Variants in SLC22A31 observed in about 807,000 individuals in gnomAD.
The protein encoded by SLC22A31 is solute carrier family 22 member 31.
A neutral mutation model predicts 27.4 loss-of-function variants in SLC22A31; 42 were observed. The ratio of observed to expected loss-of-function variants is 1.53; its 90% CI spans 1.20 to 1.98. The LOEUF is 1.98. SLC22A31 is among the 30% of genes most tolerant of loss of function. The probability of loss-of-function intolerance (pLI) is 0.00; values close to 1 mark genes in which losing one functional copy is unlikely to be tolerated. For synonymous variants in SLC22A31, 290 were observed against 230.8 expected, an observed-to-expected ratio of 1.26 and a Z score of -2.33; for missense variants, 593 against 479.9, an observed-to-expected ratio of 1.24 and a Z score of -2.20.
intron 4 of SLC22A31, 46 bp from the exon 5 acceptor site, chr16:89,198,843 G>T: frequency 6.6e-7 from 1 of 1,509,696 alleles, no homozygotes; most frequent in Non-Finnish European, 8.9e-7. Context: ...ACCTCCTCCT[G>T]GAAGGAGAGG....
intron 7 of SLC22A31, 56 bp from the exon 8 acceptor site, chr16:89,197,465 C>A (rs1285513834): frequency 5.0e-5 from 63 of 1,265,006 alleles, no homozygotes; most frequent in Non-Finnish European, 6.5e-5. Context: ...CCACCCTGGC[C>A]ACTCAGGGCC....
intron 3 of SLC22A31, 42 bp from the exon 4 acceptor site, chr16:89,199,233 G>A (rs1167820879): frequency 1.3e-6 from 2 of 1,486,144 alleles, no homozygotes; most frequent in East Asian, 2.5e-5. Flanking sequence ...CCTCGGGGAG[G>A]ACTGGAACAG....
chr16:89,198,984 C>A, intron 4 of SLC22A31, 39 bp downstream of exon 4: 1 of 1,526,272 alleles, frequency 6.6e-7, no homozygotes, highest in African/African-American at 1.4e-5. Flanking sequence ...CATAGTCAGC[C>A]CCGATGAGGG....
In SLC22A31 at chr16:89,198,191, G is replaced by C. The variant is rs1276660918; in HGVS notation, c.853C>G (p.Arg285Gly). The change falls in exon 7 of 9, where the codon CGC becomes GGC. Residue 285 changes from arginine to glycine, a missense_variant. Arg to Gly is a moderately radical substitution (Grantham distance 125). Coordinates refer to ENST00000682282, the MANE Select transcript of SLC22A31 (RefSeq NM_001384763.1). ...LLLTADCCGR[R>G]PVLLLGTMVT... Reference sequence around the variant, plus strand: ...ATGGTGCCCAGCAGCAGCACGGGGCGGCGTCCACAGCAATCTGCCGTCAGG... The same window carrying C: ...ATGGTGCCCAGCAGCAGCACGGGGCCGCGTCCACAGCAATCTGCCGTCAGG... The C allele has an allele frequency of 1.3e-6, 2 of 1,535,616 alleles. No individual in the cohort carries two copies. The highest frequency in any genetic ancestry group is 3.9e-5 in the Admixed American group (2 of 51,010).
rs185855124 is a variant in SLC22A31 at position 89,198,248 on chromosome 16, C to A, written c.796G>T (p.Gly266Cys). 1 of 1,535,930 alleles carries A rather than the reference C, an allele frequency of 6.5e-7. No individual in the cohort carries two copies. The highest frequency in any genetic ancestry group is 1.2e-5 in the South Asian group (1 of 84,064). Residue 266 changes from glycine to cysteine, a missense_variant, in exon 7 of 9, where the codon GGC becomes TGC. By Grantham distance (159) the Gly-to-Cys change is radical. Coordinates refer to ENST00000682282, the MANE Select transcript of SLC22A31 (RefSeq NM_001384763.1). ...AAGACCAAGGCTGCCGCCTCCAGGC[C>A]GGCCTCCAGGAAGTAGGGCAGGTAG... ...TFYLPYFLEA[G>C]LEAAALVFLL...
chr16:89,201,238 G>A, upstream of SLC22A31: 1 of 369,768 alleles, frequency 2.7e-6, no homozygotes, highest in Non-Finnish European at 4.8e-6. Flanking sequence ...GGAGGGCTGC[G>A]GGGCAGCAGG....
chr16:89,195,816 G>T lies in SLC22A31; in HGVS notation c.*183C>A. 1 of 616,872 alleles carries T rather than the reference G, an allele frequency of 1.6e-6. No homozygotes were observed. The highest frequency in any genetic ancestry group is 3.5e-5 in the Admixed American group (1 of 28,582). 38.2% of individuals were successfully genotyped at this position (616,872 alleles called of 1,614,324 possible). On this transcript the variant is annotated 3_prime_UTR_variant, in exon 9 of 9. Transcript: ENST00000682282. ...CTGGGTGTGGCTGGGGGGAGACCCA[G>T]GGCCTCCCAGTGCCTGGGGCCTGGC...
Position 89,199,166 on chromosome 16 carries a change from G to A in SLC22A31, c.309C>T (p.His103=). The A allele has an allele frequency of 6.5e-7, 1 of 1,531,324 alleles. No individual in the cohort carries two copies. Among genetic ancestry groups the A allele is most frequent in the South Asian group, 1.2e-5 (1 of 83,742 alleles). 94.9% of individuals were successfully genotyped at this position (1,531,324 alleles called of 1,614,324 possible). The change falls in exon 4 of 9, where the codon CAC becomes CAT. Residue 103 remains histidine, a synonymous_variant. Coordinates refer to ENST00000682282, the MANE Select transcript of SLC22A31 (RefSeq NM_001384763.1). The stretch of plus-strand genomic sequence containing the variant: ...CAGCCCCCATGGAGAAGGCCAGGCG[G>A]TGGGGAGGGTCACACAACTCCAGGC... ...LARLELCDPP[H]RLAFSMGAGL... is the part of the protein sequence containing the mutation.
upstream of SLC22A31, chr16:89,201,278 T>A: frequency 2.8e-6 from 1 of 358,350 alleles, no homozygotes; most frequent in Non-Finnish European, 5.0e-6. Context: ...GACCGGGCTT[T>A]GCAGGAGGCC....
At position 89,199,208 on chromosome 16, in the gene SLC22A31, A is replaced by G; in HGVS notation, c.284-17T>C. The G allele has an allele frequency of 6.6e-7, 1 of 1,513,230 alleles. No individual in the cohort carries two copies. Among genetic ancestry groups the G allele is most frequent in the South Asian group, 1.2e-5 (1 of 82,642 alleles). 93.7% of individuals were successfully genotyped at this position (1,513,230 alleles called of 1,614,324 possible). A position where few individuals can be genotyped will look rare whatever the true frequency, so the allele number is the denominator to read the frequency against. ...ACTCCAGGCCTGGGCAGACACAGACAGGTTGAAGTGGAGGCCTCGGGGAGG... is the reference window on the plus strand; with the variant it reads ...ACTCCAGGCCTGGGCAGACACAGACGGGTTGAAGTGGAGGCCTCGGGGAGG... On this transcript the variant is annotated splice_polypyrimidine_tract_variant and intron_variant, in intron 3 of 8. Transcript: ENST00000682282.
At chr16:89,201,381 G>C (rs1300909609), upstream of SLC22A31, 1 of 355,328 alleles carries the variant, frequency 2.8e-6, no homozygotes, top group Non-Finnish European at 5.0e-6. Flanking sequence ...GGTGCAGGGC[G>C]CGGGATCGGG....
rs61732366 is a variant in SLC22A31, at chr16:89,198,692, G to A, written c.558C>T (p.Gly186=). Residue 186 remains glycine (G), a synonymous_variant, in exon 5 of 9, where the codon GGC becomes GGT. Coordinates refer to ENST00000682282, the MANE Select transcript of SLC22A31 (RefSeq NM_001384763.1). The part of the protein sequence containing the change: ...LWRFAEASGV[G]PGDSSLEENS... ...TCTCCTCCAAGGAACTGTCCCCGGGGCCCACGCCACTGGCTTCTGCAAAGC... is the reference window on the plus strand; with the variant it reads ...TCTCCTCCAAGGAACTGTCCCCGGGACCCACGCCACTGGCTTCTGCAAAGC... The A allele has an allele frequency of 0.14, 208,905 of 1,535,348 alleles. 16,092 individuals carry two copies. Among genetic ancestry groups the A allele is most frequent in the East Asian group, 0.38 (15,663 of 40,864 alleles).
rs1290772225 is a variant in SLC22A31, at chr16:89,198,471, C to T, written c.678G>A (p.Trp226Ter). ...TGAAGCCCAAGATAAGCCCGTTTCT[C>T]CAGGTGACTCGGGTACGCAGAAGCC... The part of the protein sequence containing the change: ...PLGLLRTRVT[W>*]RNGLILGFSS... Residue 226 changes from tryptophan (W) to a stop codon, truncating the protein, a stop_gained, in exon 6 of 9, where the codon TGG (tryptophan) becomes TGA (stop). Transcript: ENST00000682282. LOFTEE classifies it high-confidence loss of function. 2 of 1,520,486 alleles carry T rather than the reference C, an allele frequency of 1.3e-6. No homozygotes were observed. The highest frequency in any genetic ancestry group is 4.9e-5 in the East Asian group (2 of 40,736). 94.2% of individuals were successfully genotyped at this position (1,520,486 alleles called of 1,614,324 possible).
At position 89,198,658 on chromosome 16, in the gene SLC22A31, C is replaced by T; in HGVS notation, c.592G>A (p.Ala198Thr). Residue 198 changes from alanine (A) to threonine (T), a missense_variant, in exon 5 of 9, where the codon GCT becomes ACT. Ala to Thr is a moderately conservative substitution (Grantham distance 58, BLOSUM62 0). Coordinates refer to ENST00000682282, the MANE Select transcript of SLC22A31 (RefSeq NM_001384763.1). Reference sequence around the variant, plus strand: ...TCCCTGGTAGGCGCCTGACCTGTAGCCAGGGAGTTCTCCTCCAAGGAACTG... The same window carrying T: ...TCCCTGGTAGGCGCCTGACCTGTAGTCAGGGAGTTCTCCTCCAAGGAACTG... ...GDSSLEENSLATELTMLSARS... is the reference protein window; with the variant it reads ...GDSSLEENSLTTELTMLSARS... 6 of 1,535,526 alleles carry T rather than the reference C, an allele frequency of 3.9e-6. No individual in the cohort carries two copies. Among genetic ancestry groups the T allele is most frequent in the Non-Finnish European group, 5.2e-6 (6 of 1,146,608 alleles).
At chr16:89,196,496 T>G (rs1487086191) in intron 8 of SLC22A31, 191 bp from the exon 9 acceptor site, 8 of 1,069,978 alleles carry the variant, frequency 7.5e-6, no homozygotes, top group Non-Finnish European at 1.3e-6. Context: ...TGGGGGCAGC[T>G]GGTGGGGCAA....
chr16:89,195,831 TGG>T lies in SLC22A31; in HGVS notation c.*166_*167del. 4.1e-6 allele frequency: 3 copies of T among 725,910 alleles called. No individual in the cohort carries two copies. Among genetic ancestry groups the T allele is most frequent in the Non-Finnish European group, 6.2e-6 (3 of 481,366 alleles). 45.0% of individuals were successfully genotyped at this position (725,910 alleles called of 1,614,324 possible). A position where few individuals can be genotyped will look rare whatever the true frequency, so the allele number is the denominator to read the frequency against. On this transcript the variant is annotated 3_prime_UTR_variant, in exon 9 of 9. Coordinates refer to ENST00000682282, the MANE Select transcript of SLC22A31 (RefSeq NM_001384763.1). The stretch of plus-strand genomic sequence containing the variant: ...GGGAGACCCAGGGCCTCCCAGTGCC[TGG>T]GGCCTGGCTGGAGACACCTTCACGC...
At chr16:89,198,992 G>A (rs777642632) in intron 4 of SLC22A31, 31 bp downstream of exon 4, 3 of 1,529,850 alleles carry the variant, frequency 2.0e-6, no homozygotes, top group Non-Finnish European at 2.6e-6. Context: ...GCCCCGATGA[G>A]GGCTGCTGGC....
In SLC22A31 at chr16:89,196,208, G is replaced by A; in HGVS notation, c.1132C>T (p.Gln378Ter). 1.3e-6 allele frequency: 2 copies of A among 1,534,964 alleles called. No individual in the cohort carries two copies. The highest frequency in any genetic ancestry group is 1.7e-6 in the Non-Finnish European group (2 of 1,146,500). Residue 378 changes from glutamine (Q) to a stop codon, truncating the protein, a stop_gained, in exon 9 of 9, where the codon CAA becomes TAA. Coordinates refer to ENST00000682282, the MANE Select transcript of SLC22A31 (RefSeq NM_001384763.1). LOFTEE classifies it low-confidence loss of function (END_TRUNC). ...ACAGCAAGGGAGGCGAAGACGACTT[G>A]TTGCAGGAAGAAGCCCTGCCGGCCG... The part of the protein sequence containing the change: ...LHGRQGFFLQ[Q>*]VVFASLAVLA...
Position 89,195,849 on chromosome 16 carries a change from A to G in SLC22A31, c.*150T>C. The G allele has an allele frequency of 1.1e-6, 1 of 873,446 alleles. No homozygotes were observed. Among genetic ancestry groups the G allele is most frequent in the African/African-American group, 1.8e-5 (1 of 57,118 alleles). The allele number at this position is 873,446 out of a possible 1,614,324, so 54.1% of individuals were successfully genotyped here. A position where few individuals can be genotyped will look rare whatever the true frequency, so the allele number is the denominator to read the frequency against. On this transcript the variant is annotated 3_prime_UTR_variant, in exon 9 of 9. Coordinates refer to ENST00000682282, the MANE Select transcript of SLC22A31 (RefSeq NM_001384763.1). ...CAGTGCCTGGGGCCTGGCTGGAGACACCTTCACGCTGTCCCCACGGCTCCA... is the reference window on the plus strand; with the variant it reads ...CAGTGCCTGGGGCCTGGCTGGAGACGCCTTCACGCTGTCCCCACGGCTCCA...
Sources: gnomAD v4.1 joint callset for allele counts on GRCh38, gnomAD v4.1.1 for gene constraint, MANE v1.5 for transcripts, NCBI Gene and HGNC (gene_info 2026-07-23, HGNC 2026-07-21) for gene names.